The following PIEZO2 variants were observed in gnomAD, a reference collection of about 807,000 sequenced individuals.
The protein encoded by PIEZO2 is piezo-type mechanosensitive ion channel component 2.
A neutral mutation model predicts 337.3 loss-of-function variants in PIEZO2; 172 were observed. The ratio of observed to expected loss-of-function variants is 0.51; its 90% confidence interval spans 0.45 to 0.58. The LOEUF (loss-of-function observed/expected upper bound fraction) is 0.58, where lower values mean the gene tolerates loss of function less well. Among genes scored for constraint, PIEZO2 ranks in the 20% least tolerant of loss-of-function variants. The probability of loss-of-function intolerance (pLI) is 0.00; values close to 1 mark genes in which losing one functional copy is unlikely to be tolerated. For missense variants in PIEZO2, 3,028 were observed against 3,391.3 expected (o/e 0.89, Z 2.66); for synonymous variants, 1,251 against 1,228.5 (o/e 1.02, Z -0.38).
rs545092108 is a variant in PIEZO2, at chr18:10,759,647, G to A, written c.3655+58C>T. On this transcript the variant is annotated intron_variant, in intron 25 of 55. Transcript: ENST00000674853. This position sits in a 1 kb window ranked among gnomAD's most constrained non-coding sequence, Gnocchi z 5.5. ...CTTCTTCACCACTCTTCTCCCAGCC[G>A]TCCGCTCAGTAATGGCTTCTTCTAA... The A allele has an allele frequency of 7.6e-5, 116 of 1,534,940 alleles. No homozygotes were observed. The South Asian group carries it at 9.8e-4, about 13-fold the overall frequency.
chr18:11,139,804 C>A (rs1297629391), intron 1 of PIEZO2, among the ~76,000 whole-genome samples: 1 of 152,160 alleles, frequency 6.6e-6, no homozygotes, highest in African/African-American at 2.4e-5. Flanking sequence ...GACCGTGACT[C>A]TTTCTTTTGG....
chr18:10,740,883 C>T (rs2144150921), intron 33 of PIEZO2, 148 bp downstream of exon 33: 1 of 791,838 alleles, frequency 1.3e-6, no homozygotes, highest in East Asian at 2.7e-5. Context: ...GACCCACTGA[C>T]ATTAAAATTT....
In PIEZO2 at chr18:10,903,669, T is replaced by C. The variant is rs750750955; in HGVS notation, c.329+7517A>G. On this transcript the variant is annotated intron_variant, in intron 4 of 55. Transcript: ENST00000674853. This position sits in a 1 kb window ranked among gnomAD's most constrained non-coding sequence, Gnocchi z 4.1. ...GCCTGGGCGACAGAGCAAGACTCCA[T>C]CTCAAAAAAAAAAAGATTCAAACTT... Among the ~76,000 whole-genome samples, 4 of 151,402 alleles carry C rather than the reference T, an allele frequency of 2.6e-5. No homozygotes were observed. Among genetic ancestry groups the C allele is most frequent in the Admixed American group, 6.6e-5 (1 of 15,208 alleles).
intron 1 of PIEZO2, among the ~76,000 whole-genome samples, chr18:11,100,603 C>T (rs1598959667): frequency 3.3e-5 from 5 of 149,570 alleles, no homozygotes; most frequent in African/African-American, 1.2e-4. Flanking sequence ...ATTTTCACTT[C>T]TTTTTTTTTT....
chr18:10,891,135 G>A (rs2042742972), intron 4 of PIEZO2, among the ~76,000 whole-genome samples: 1 of 152,062 alleles, frequency 6.6e-6, no homozygotes, highest in South Asian at 2.1e-4. Flanking sequence ...GAGTTCGAGA[G>A]CAACATGGTG....
chr18:10,807,158 T>C lies in PIEZO2; in HGVS notation c.1034A>G (p.Tyr345Cys). 1.3e-6 allele frequency: 2 copies of C among 1,537,248 alleles called. No homozygotes were observed. Among genetic ancestry groups the C allele is most frequent in the Non-Finnish European group, 1.7e-6 (2 of 1,146,900 alleles). Residue 345 changes from tyrosine to cysteine, a missense_variant, in exon 8 of 56, where the codon TAC (tyrosine) becomes TGC (cysteine). Physicochemically the swap from Tyr to Cys is radical, Grantham distance 194 (BLOSUM62 -2). This residue lies in a region of PIEZO2 where 542 missense variants were observed against 605.6 expected (regional missense o/e 0.89). Coordinates refer to ENST00000674853, the MANE Select transcript of PIEZO2 (RefSeq NM_001378183.1). ...HANPILLLVM[Y>C]YTLATLIRIW... ...GCGGATCAGAGTGGCCAGAGTGTAG[T>C]ACATCACCAGCAGGAGGATAGGGTT...
chr18:10,731,941 T>G (rs971688456), intron 35 of PIEZO2, among the ~76,000 whole-genome samples: 2 of 152,214 alleles, frequency 1.3e-5, no homozygotes, highest in Admixed American at 6.5e-5. Context: ...TTATTTACTT[T>G]GGGAAAATAG....
At chr18:10,917,004 T>A (rs138823298) in intron 3 of PIEZO2, among the ~76,000 whole-genome samples, 1 of 152,110 alleles carries the variant, frequency 6.6e-6, no homozygotes, top group South Asian at 2.1e-4. Flanking sequence ...CCTATAGAAG[T>A]TCTCTGTCAT....
Position 10,795,359 on chromosome 18 carries a change from AT to A in PIEZO2, c.1528-358del, listed in dbSNP as rs1259670611. On this transcript the variant is annotated intron_variant, in intron 12 of 55. Coordinates refer to ENST00000674853, the MANE Select transcript of PIEZO2 (RefSeq NM_001378183.1). The surrounding 1 kb of genome is among the most constrained non-coding windows in gnomAD (Gnocchi z 4.4). ...TTATTTTATTTTATTTTATTATTTT[AT>A]TTTATTTTATTTTATTTTATTTTAT... Among the ~76,000 whole-genome samples, 2 of 43,694 alleles carry A rather than the reference AT, an allele frequency of 4.6e-5. No homozygotes were observed. The highest frequency in any genetic ancestry group is 1.1e-4 in the African/African-American group (2 of 17,654). The allele number at this position is 43,694 out of a possible 152,430, so 28.7% of individuals were successfully genotyped here.
chr18:11,049,791 A>G (rs555236032), intron 2 of PIEZO2, among the ~76,000 whole-genome samples: 2 of 152,078 alleles, frequency 1.3e-5, no homozygotes, highest in African/African-American at 4.8e-5. Context: ...CATGATTGTG[A>G]GGCCTCCCCA....
chr18:10,884,920 A>G (rs2042531465), intron 4 of PIEZO2, among the ~76,000 whole-genome samples: 2 of 151,758 alleles, frequency 1.3e-5, no homozygotes, highest in South Asian at 4.2e-4. Flanking sequence ...AAGACCACAA[A>G]CTGGACCCAT....
Position 10,752,809 on chromosome 18 carries a change from T to A in PIEZO2, c.3994A>T (p.Ile1332Phe). The change falls in exon 28 of 56, where the codon ATC (isoleucine) becomes TTC (phenylalanine). Residue 1332 changes from isoleucine to phenylalanine, a missense_variant. By Grantham distance (21) the Ile-to-Phe change is conservative. Around this residue, in one of 5 missense-constraint regions of PIEZO2, gnomAD observed 1,925 missense variants for 2,051.9 expected, o/e 0.94. Coordinates refer to ENST00000674853, the MANE Select transcript of PIEZO2 (RefSeq NM_001378183.1). ...LFWFVLTIIF[I>F]TGTTRISIFC... ...ATGCTGATCCTGGTGGTCCCAGTGA[T>A]GAAGATGATGGTGAGCACAAACCAG... 6.5e-7 allele frequency: 1 copy of A among 1,537,106 alleles called. No individual in the cohort carries two copies. The highest frequency in any genetic ancestry group is 1.4e-5 in the African/African-American group (1 of 73,146).
At chr18:10,985,922 T>C (rs2034852341) in intron 2 of PIEZO2, among the ~76,000 whole-genome samples, 2 of 151,842 alleles carry the variant, frequency 1.3e-5, no homozygotes, top group Admixed American at 6.6e-5. Flanking sequence ...CTGCTCCCAT[T>C]AAAATATATA....
At chr18:10,691,561 T>A (rs2034828265) in intron 47 of PIEZO2, among the ~76,000 whole-genome samples, 178 bp from the exon 48 acceptor site, 1 of 151,818 alleles carries the variant, frequency 6.6e-6, no homozygotes, top group Non-Finnish European at 1.5e-5. Context: ...GATAAAAAAA[T>A]TCAATAATTA....
Position 11,089,571 on chromosome 18 carries a change from T to A in PIEZO2, c.65-23349A>T, listed in dbSNP as rs536958778. On this transcript the variant is annotated intron_variant, in intron 1 of 55. Transcript: ENST00000674853. ...CATTCCTCTTCCAAGGAATAAAACC[T>A]CCAACCGGCATTTCTGAACACTGTG... 2.6e-5 allele frequency among the ~76,000 whole-genome samples: 4 copies of A among 152,238 alleles called. No individual in the cohort carries two copies. The East Asian group carries it at 5.8e-4, about 22-fold the overall frequency.
At chr18:10,780,559 A>C (rs1336441018) in intron 17 of PIEZO2, among the ~76,000 whole-genome samples, 193 bp from the exon 18 acceptor site, 2 of 152,116 alleles carry the variant, frequency 1.3e-5, no homozygotes, top group African/African-American at 4.8e-5. Context: ...ATTAAATCAG[A>C]CAATGTTCAG....
chr18:10,702,339 C>T (rs901568872), intron 42 of PIEZO2, among the ~76,000 whole-genome samples, 168 bp from the exon 43 acceptor site: 1 of 152,172 alleles, frequency 6.6e-6, no homozygotes, highest in African/African-American at 2.4e-5. Flanking sequence ...TTCTCGCAGA[C>T]TATTGACTTC....
At chr18:10,760,881 GAAAT>G (rs1568027953) in intron 24 of PIEZO2, 26 bp downstream of exon 24, 1 of 1,485,504 alleles carries the variant, frequency 6.7e-7, no homozygotes, top group Non-Finnish European at 9.1e-7. Flanking sequence ...ATGGAAAAGA[GAAAT>G]AAAACATATC....
At chr18:10,736,735 A>G in intron 33 of PIEZO2, 25 bp from the exon 34 acceptor site, 2 of 1,531,328 alleles carry the variant, frequency 1.3e-6, no homozygotes, top group South Asian at 1.2e-5. Context: ...ATATTCACTC[A>G]TTTCTTGAAA....
Sources: allele counts gnomAD v4.1 joint callset (sites outside exome capture counted in the v4.1 genomes callset), GRCh38; gene constraint gnomAD v4.1.1; regional missense constraint gnomAD v4.1.1; non-coding constraint Gnocchi (gnomAD v3.1); transcripts MANE v1.5; gene names NCBI Gene and HGNC (gene_info 2026-07-23, HGNC 2026-07-21).